The following VSTM2L variants were observed in gnomAD, a reference collection of about 807,000 sequenced individuals.
VSTM2L encodes the protein V-set and transmembrane domain containing 2 like.
Under a neutral mutation model 19.9 loss-of-function variants are expected in VSTM2L, and 9 were observed. The ratio of observed to expected loss-of-function variants is 0.45; its 90% CI spans 0.27 to 0.79. The LOEUF (loss-of-function observed/expected upper bound fraction) is 0.79, where lower values mean the gene tolerates loss of function less well. Ranked by LOEUF, VSTM2L falls within the 30% of genes least tolerant of loss-of-function variation. The probability of loss-of-function intolerance (pLI) is 0.15; values close to 1 mark genes in which losing one functional copy is unlikely to be tolerated. For synonymous variants in VSTM2L, 127 were observed against 133.8 expected (o/e 0.95, Z 0.35); for missense variants, 286 against 295.5 (o/e 0.97, Z 0.24).
intron 2 of VSTM2L, among the ~76,000 whole-genome samples, chr20:37,932,180 A>C (rs942068376): frequency 6.6e-6 from 1 of 152,170 alleles, no homozygotes; most frequent in African/African-American, 2.4e-5. Context: ...TCCGGGCCAC[A>C]CGGGCAGCCT....
In VSTM2L at chr20:37,944,043, G is replaced by T; in HGVS notation, c.405G>T (p.Thr135=). ...HKLRLSRVKP[T]DEGTYECRVI... is the part of the protein sequence containing the mutation. ...TGCGCCTGTCCCGGGTGAAGCCCAC[G>T]GACGAAGGCACCTACGAGTGCCGCG... The change falls in exon 4 of 4, where the codon ACG becomes ACT. Residue 135 remains threonine (T), a synonymous_variant. Coordinates refer to ENST00000373461, the MANE Select transcript of VSTM2L (RefSeq NM_080607.3). 6.2e-7 allele frequency: 1 copy of T among 1,610,092 alleles called. No individual in the cohort carries two copies. The highest frequency in any genetic ancestry group is 8.5e-7 in the Non-Finnish European group (1 of 1,177,234).
At chr20:37,938,703 T>A (rs1432642352) in intron 3 of VSTM2L, among the ~76,000 whole-genome samples, 1 of 152,226 alleles carries the variant, frequency 6.6e-6, no homozygotes, top group East Asian at 1.9e-4. Flanking sequence ...CTAAGGCCTG[T>A]CGATGCCTGT....
intron 1 of VSTM2L, among the ~76,000 whole-genome samples, chr20:37,912,570 T>G (rs1360094463): frequency 6.6e-6 from 1 of 152,124 alleles, no homozygotes; most frequent in Non-Finnish European, 1.5e-5. Flanking sequence ...AGAGGGAGCC[T>G]GGGGGCAGGT....
At chr20:37,937,471 T>C (rs1191889417) in intron 3 of VSTM2L, among the ~76,000 whole-genome samples, 2 of 152,072 alleles carry the variant, frequency 1.3e-5, no homozygotes, top group Non-Finnish European at 2.9e-5. Flanking sequence ...GTTCTGGAAG[T>C]TTTTCTTTCG....
At position 37,944,480 on chromosome 20, in the gene VSTM2L, T is replaced by A; in HGVS notation, c.*227T>A. On this transcript the variant is annotated 3_prime_UTR_variant, in exon 4 of 4. Coordinates refer to ENST00000373461, the MANE Select transcript of VSTM2L (RefSeq NM_080607.3). The stretch of plus-strand genomic sequence containing the variant: ...TGACCTGGCTCGGAGAAGGTGGCCC[T>A]GGGCACCAAGGGGCCAACCGCCCTG... 8.1e-7 allele frequency: 1 copy of A among 1,238,014 alleles called. No homozygotes were observed. Among genetic ancestry groups the A allele is most frequent in the Non-Finnish European group, 1.0e-6 (1 of 996,170 alleles). The allele number at this position is 1,238,014 out of a possible 1,614,324, so 76.7% of individuals were successfully genotyped here. A position where few individuals can be genotyped will look rare whatever the true frequency, so the allele number is the denominator to read the frequency against.
At chr20:37,922,912 T>C (rs375661697) in intron 1 of VSTM2L, among the ~76,000 whole-genome samples, 3 of 152,026 alleles carry the variant, frequency 2.0e-5, no homozygotes, top group South Asian at 4.2e-4. Flanking sequence ...CACGCGTGAG[T>C]AAAATACAGA....
chr20:37,941,704 C>T (rs963194457), intron 3 of VSTM2L, among the ~76,000 whole-genome samples: 1 of 152,064 alleles, frequency 6.6e-6, no homozygotes, highest in Non-Finnish European at 1.5e-5. Context: ...AGGTCTGAGG[C>T]CCACTCACCT....
rs2072940140 is a variant in VSTM2L, at chr20:37,936,319, G to C, written c.342+2730G>C. ...CTACAGGGAACAGCTGAGCCAGGCA[G>C]GGACCTAGGCCCCATATTCCCATGA... On this transcript the variant is annotated intron_variant, in intron 3 of 3. Transcript: ENST00000373461. 2.6e-5 allele frequency among the ~76,000 whole-genome samples: 4 copies of C among 152,314 alleles called. No homozygotes were observed. The South Asian group carries it at 8.3e-4, about 32-fold the overall frequency.
At chr20:37,914,637 C>G (rs996908565) in intron 1 of VSTM2L, among the ~76,000 whole-genome samples, 1 of 152,044 alleles carries the variant, frequency 6.6e-6, no homozygotes, top group Non-Finnish European at 1.5e-5. Flanking sequence ...TCCTGGCTCC[C>G]CTGTGCTCCA....
At chr20:37,920,212 C>T (rs957565389) in intron 1 of VSTM2L, among the ~76,000 whole-genome samples, 2 of 152,214 alleles carry the variant, frequency 1.3e-5, no homozygotes, top group African/African-American at 4.8e-5. Flanking sequence ...AGCTCCTGCT[C>T]CTGACTTGCA....
intron 1 of VSTM2L, among the ~76,000 whole-genome samples, chr20:37,921,352 C>T (rs779083792): frequency 6.6e-6 from 1 of 152,126 alleles, no homozygotes; most frequent in Non-Finnish European, 1.5e-5. Context: ...AGCCTGGGAG[C>T]CTGATTTTGA....
At position 37,941,467 on chromosome 20, in the gene VSTM2L, G is replaced by A. The variant is rs1600576502; in HGVS notation, c.343-2514G>A. 2.0e-5 allele frequency among the ~76,000 whole-genome samples: 3 copies of A among 149,840 alleles called. No individual in the cohort carries two copies. The South Asian group carries it at 6.5e-4, about 32-fold the overall frequency. ...AAAGAGCCCTCCCCAGGGCAGATTG[G>A]TAAGACGATTAGAAGTCACACGTGT... On this transcript the variant is annotated intron_variant, in intron 3 of 3. Transcript: ENST00000373461.
At chr20:37,931,111 G>T (rs1473528432) in intron 1 of VSTM2L, among the ~76,000 whole-genome samples, 1 of 152,204 alleles carries the variant, frequency 6.6e-6, no homozygotes, top group Non-Finnish European at 1.5e-5. Context: ...GAAGCCAGGG[G>T]AATGGGTGCT....
chr20:37,924,965 C>T (rs1229741412), intron 1 of VSTM2L, among the ~76,000 whole-genome samples: 1 of 152,130 alleles, frequency 6.6e-6, no homozygotes, highest in Non-Finnish European at 1.5e-5. Flanking sequence ...GCCAGTCAGA[C>T]CAATGTTTAA....
Position 37,927,173 on chromosome 20 carries a change from CA to C in VSTM2L, c.122-4461del, listed in dbSNP as rs563676657. ...AGAGATGAGGTTTTGCCATGTTGGC[CA>C]GGCTGGTCTTGAACTCCTGACCTTA... On this transcript the variant is annotated intron_variant, in intron 1 of 3. Coordinates refer to ENST00000373461, the MANE Select transcript of VSTM2L (RefSeq NM_080607.3). 4.1e-4 allele frequency among the ~76,000 whole-genome samples: 63 copies of C among 152,310 alleles called. 1 individual carries two copies. The East Asian group carries it at 0.012, about 29-fold the overall frequency.
intron 1 of VSTM2L, among the ~76,000 whole-genome samples, chr20:37,926,333 A>T: frequency 6.6e-6 from 1 of 152,164 alleles, no homozygotes; most frequent in Non-Finnish European, 1.5e-5. Flanking sequence ...AAGTGCTGGG[A>T]TTGCAGACAT....
chr20:37,938,886 C>A (rs2072955496), intron 3 of VSTM2L, among the ~76,000 whole-genome samples: 1 of 152,040 alleles, frequency 6.6e-6, no homozygotes, highest in African/African-American at 2.4e-5. Flanking sequence ...GTGGGAGAGG[C>A]CTCTGATGAG....
At chr20:37,931,864 G>T in intron 2 of VSTM2L, 60 bp downstream of exon 2, 3 of 1,545,174 alleles carry the variant, frequency 1.9e-6, no homozygotes, top group Non-Finnish European at 2.6e-6. Flanking sequence ...CTGGGGTAGG[G>T]GTATTTCTCT....
intron 3 of VSTM2L, among the ~76,000 whole-genome samples, chr20:37,936,553 T>C (rs1568842884): frequency 6.6e-6 from 1 of 152,180 alleles, no homozygotes; most frequent in Non-Finnish European, 1.5e-5. Flanking sequence ...GAAAGTGCTG[T>C]CAGCTTCCAG....
Sources: allele counts gnomAD v4.1 joint callset (sites outside exome capture counted in the v4.1 genomes callset), GRCh38; gene constraint gnomAD v4.1.1; transcripts MANE v1.5; gene names NCBI Gene and HGNC (gene_info 2026-07-23, HGNC 2026-07-21).